Variants in KALRN observed in about 807,000 individuals in gnomAD.
The protein encoded by KALRN is kalirin RhoGEF kinase.
Under a neutral mutation model 353.7 loss-of-function variants are expected in KALRN, and 70 were observed. The ratio of observed to expected loss-of-function variants is 0.20; its 90% confidence interval spans 0.16 to 0.24. The LOEUF (loss-of-function observed/expected upper bound fraction) is 0.24, where lower values mean the gene tolerates loss of function less well. Ranked by LOEUF, KALRN falls within the 10% of genes least tolerant of loss-of-function variation. The pLI is 1.00. For missense variants in KALRN, 2,791 were observed against 3,756.7 expected (o/e 0.74, Z 6.72); for synonymous variants, 1,391 against 1,434.8 (o/e 0.97, Z 0.69).
chr3:124,183,301 A>G (rs1560170302), intron 1 of KALRN, among the ~76,000 whole-genome samples: 1 of 152,322 alleles, frequency 6.6e-6, no homozygotes, highest in East Asian at 1.9e-4. Flanking sequence ...TAGGAAGCAC[A>G]GTGCTAGCAT....
rs952319975 is a variant in KALRN at position 124,479,833 on chromosome 3, C to G, written c.4191+2499C>G. The stretch of plus-strand genomic sequence containing the variant: ...CCGCCTCCTGGGTTCACGCCATTCT[C>G]CCTCCTCAGCCTCCCGAGTAGCTGG... On this transcript the variant is annotated intron_variant, in intron 27 of 59. Transcript: ENST00000682506. Among the ~76,000 whole-genome samples the G allele has an allele frequency of 7.3e-5, 11 of 151,454 alleles. No homozygotes were observed. The East Asian group carries it at 2.1e-3, about 30-fold the overall frequency.
intron 1 of KALRN, among the ~76,000 whole-genome samples, chr3:124,038,928 C>T (rs2039679331): frequency 6.6e-6 from 1 of 152,256 alleles, no homozygotes; most frequent in South Asian, 2.1e-4. Flanking sequence ...TCTTGCTGCT[C>T]ATTCACAGGG....
rs2082213566 is a variant in KALRN at position 124,642,806 on chromosome 3, G to GTTTTTTTTTTTTTGTTGTTGTTTTTT, written c.5664+5516_5664+5517insGTTGTTGTTTTTTTTTTTTTTTTTTT. Among the ~76,000 whole-genome samples, 7 of 96,840 alleles carry GTTTTTTTTTTTTTGTTGTTGTTTTTT rather than the reference G, an allele frequency of 7.2e-5. 1 individual carries two copies. Among genetic ancestry groups the GTTTTTTTTTTTTTGTTGTTGTTTTTT allele is most frequent in the African/African-American group, 3.1e-4 (7 of 22,280 alleles). 63.5% of individuals were successfully genotyped at this position (96,840 alleles called of 152,430 possible). A position where few individuals can be genotyped will look rare whatever the true frequency, so the allele number is the denominator to read the frequency against. On this transcript the variant is annotated intron_variant, in intron 37 of 59. Coordinates refer to ENST00000682506, the MANE Select transcript of KALRN (RefSeq NM_001388419.1). ...TCTGTGGAAGAGATTCCCAAGCCTC[G>GTTTTTTTTTTTTTGTTGTTGTTTTTT]TTTTTTTTTTTTTTTTTTTTGAGAC...
chr3:124,261,920 T>G (rs1295702753), intron 3 of KALRN, among the ~76,000 whole-genome samples: 2 of 152,140 alleles, frequency 1.3e-5, no homozygotes, highest in African/African-American at 2.4e-5. Flanking sequence ...TAATCCCTGA[T>G]AGAAAGATGG....
chr3:124,519,452 AC>A (rs2066982655), intron 33 of KALRN: 1 of 984,994 alleles, frequency 1.0e-6, no homozygotes, highest in Non-Finnish European at 1.2e-6. Flanking sequence ...TCATATATAC[AC>A]TCATTTTCTA....
At chr3:124,499,629 T>A (rs1030014463) in intron 33 of KALRN, among the ~76,000 whole-genome samples, 4 of 152,258 alleles carry the variant, frequency 2.6e-5, no homozygotes, top group Middle Eastern at 3.2e-3. Context: ...TCAACTCACC[T>A]GTCTATAAAA....
intron 1 of KALRN, among the ~76,000 whole-genome samples, chr3:124,035,912 A>G (rs2039369240): frequency 1.3e-5 from 2 of 152,214 alleles, no homozygotes. Context: ...GAAATGACTG[A>G]TGACCTGTAA....
intron 49 of KALRN, 113 bp downstream of exon 49, chr3:124,674,727 T>C: frequency 2.6e-6 from 3 of 1,150,118 alleles, no homozygotes; most frequent in Non-Finnish European, 3.6e-6. Context: ...TACTGCTTAT[T>C]CTCAACAGTA....
At position 124,491,350 on chromosome 3, in the gene KALRN, G is replaced by A. The variant is rs1163436733; in HGVS notation, c.4615G>A (p.Val1539Met). The stretch of plus-strand genomic sequence containing the variant: ...CTCAGAGCTGGGTGTGACCGAGCAC[G>A]TGGAGGGCGATCCCTGCAAATTCGC... ...LTSELGVTEH[V>M]EGDPCKFALW... The change falls in exon 31 of 60, where the codon GTG (valine) becomes ATG (methionine). Residue 1539 changes from valine to methionine, a missense_variant. Val to Met is a conservative substitution (Grantham distance 21, BLOSUM62 1). This residue lies in a region of KALRN where 239 missense variants were observed against 351.3 expected (regional missense o/e 0.68). Coordinates refer to ENST00000682506, the MANE Select transcript of KALRN (RefSeq NM_001388419.1). The A allele has an allele frequency of 6.2e-7, 1 of 1,608,466 alleles. No individual in the cohort carries two copies. The highest frequency in any genetic ancestry group is 8.5e-7 in the Non-Finnish European group (1 of 1,177,122).
rs148879574 is a variant in KALRN at position 124,670,840 on chromosome 3, C to T, written c.6704-820C>T. On this transcript the variant is annotated intron_variant, in intron 47 of 59. Transcript: ENST00000682506. The stretch of plus-strand genomic sequence containing the variant: ...AACAAAGCTCCAGTCTTCTCCTTCA[C>T]ATCAGCTTATTCTCCTGTCTTCTGA... 4.0e-3 allele frequency among the ~76,000 whole-genome samples: 616 copies of T among 152,326 alleles called. 3 individuals are homozygous for T. The highest frequency in any genetic ancestry group is 0.014 in the Middle Eastern group (4 of 294).
intron 47 of KALRN, among the ~76,000 whole-genome samples, chr3:124,669,087 G>A (rs368209718): frequency 3.3e-5 from 5 of 152,110 alleles, no homozygotes; most frequent in East Asian, 3.9e-4. Context: ...TAATCCTCAC[G>A]CCAACATGGA....
Position 124,719,490 on chromosome 3 carries a change from G to A in KALRN, c.*20G>A, listed in dbSNP as rs767865445. 9 of 1,599,968 alleles carry A rather than the reference G, an allele frequency of 5.6e-6. No homozygotes were observed. The highest frequency in any genetic ancestry group is 7.7e-6 in the Non-Finnish European group (9 of 1,171,162). On this transcript the variant is annotated 3_prime_UTR_variant, in exon 60 of 60. Transcript: ENST00000682506. This position sits in a 1 kb window ranked among gnomAD's most constrained non-coding sequence, Gnocchi z 5.3. ...ACGTAGCCATCTCCCAGCCCCTATG[G>A]TTTCACATAGACGTGCAGTGTGAAC...
chr3:124,386,241 C>T (rs909036748), intron 11 of KALRN, among the ~76,000 whole-genome samples: 3 of 152,100 alleles, frequency 2.0e-5, no homozygotes, highest in African/African-American at 7.2e-5. Context: ...AGCATTAATC[C>T]AGGGTTTCCT....
chr3:124,259,564 TC>T (rs548407433), intron 3 of KALRN, among the ~76,000 whole-genome samples: 102 of 152,292 alleles, frequency 6.7e-4, no homozygotes, highest in South Asian at 4.4e-3. Context: ...ACAGAGGGGT[TC>T]CACAGTAAGT....
rs1435202422 is a variant in KALRN, at chr3:124,614,498, GA to G, written c.5183-17921del. 2.6e-5 allele frequency among the ~76,000 whole-genome samples: 4 copies of G among 151,132 alleles called. No homozygotes were observed. The East Asian group carries it at 5.8e-4, about 22-fold the overall frequency. On this transcript the variant is annotated intron_variant, in intron 34 of 59. Coordinates refer to ENST00000682506, the MANE Select transcript of KALRN (RefSeq NM_001388419.1). ...TGGTCTCAAACTCCTAGACTTAAGG[GA>G]TCTGCCCACCTCAGCCTCCTGAAGT...
chr3:124,316,922 A>G (rs1181192024), intron 6 of KALRN, among the ~76,000 whole-genome samples: 2 of 152,248 alleles, frequency 1.3e-5, no homozygotes, highest in African/African-American at 4.8e-5. Flanking sequence ...GAAAGCAAAG[A>G]GTTGCCTTAA....
chr3:124,574,488 G>A (rs758874522), intron 34 of KALRN, among the ~76,000 whole-genome samples: 7 of 142,164 alleles, frequency 4.9e-5, no homozygotes, highest in Non-Finnish European at 1.1e-4. Context: ...GGGAAGTCAG[G>A]GGCAAACTTG....
intron 1 of KALRN, among the ~76,000 whole-genome samples, chr3:124,140,724 C>T (rs1427907018): frequency 1.3e-5 from 2 of 152,102 alleles, no homozygotes; most frequent in Non-Finnish European, 1.5e-5. Context: ...GAGTCCATTC[C>T]CATTCTCCCT....
At chr3:124,114,063 GGT>G (rs1194942752) in intron 1 of KALRN, among the ~76,000 whole-genome samples, 3 of 152,118 alleles carry the variant, frequency 2.0e-5, no homozygotes, top group Admixed American at 2.0e-4. Flanking sequence ...TAAGAGAAAG[GGT>G]TAAAAGGCAG....
Sources: gnomAD v4.1 joint callset for allele counts (sites outside exome capture counted in the v4.1 genomes callset) on GRCh38, gnomAD v4.1.1 for gene constraint, gnomAD v4.1.1 regional missense constraint, Gnocchi (gnomAD v3.1) non-coding constraint, MANE v1.5 for transcripts, NCBI Gene and HGNC (gene_info 2026-07-23, HGNC 2026-07-21) for gene names.